Variants in TENM1 observed in about 807,000 individuals in gnomAD.
The protein encoded by TENM1 is teneurin-1.
A neutral mutation model predicts 174.8 loss-of-function variants in TENM1; 35 were observed. That is an observed-to-expected ratio of 0.20 (90% CI 0.15 to 0.27). The LOEUF is 0.27. TENM1 is among the 10% of genes least tolerant of loss of function. The probability of loss-of-function intolerance (pLI) is 1.00; values close to 1 mark genes in which losing one functional copy is unlikely to be tolerated. For missense variants in TENM1, 1,633 were observed against 2,130.1 expected, an observed-to-expected ratio of 0.77 and a Z score of 4.59; for synonymous variants, 781 against 798.7, an observed-to-expected ratio of 0.98 and a Z score of 0.37.
chrX:124,729,136 G>A (rs749996780), intron 4 of TENM1, among the ~76,000 whole-genome samples: 20 of 112,037 alleles, frequency 1.8e-4, no homozygotes, highest in Non-Finnish European at 3.6e-4. Flanking sequence ...TGCAGGACAC[G>A]CACAATAATC....
chrX:124,963,425 C>T (rs886670088), intron 1 of TENM1, 112 bp downstream of exon 4: 9 of 644,021 alleles, frequency 1.4e-5, no homozygotes, highest in South Asian at 5.5e-5. Context: ...ATAAGCAGTG[C>T]GAATTATTAA....
intron 20 of TENM1, among the ~76,000 whole-genome samples, chrX:124,496,369 T>C (rs2047201792): frequency 8.9e-6 from 1 of 112,023 alleles, no homozygotes; most frequent in Non-Finnish European, 1.9e-5. Flanking sequence ...AATTTAGTCA[T>C]AATCTTTGTG....
chrX:125,048,237 C>T, the TENM1 span, among the ~76,000 whole-genome samples: 1 of 97,699 alleles, frequency 1.0e-5, no homozygotes, highest in Non-Finnish European at 2.0e-5. Context: ...GATGCTGTTT[C>T]GAAGCATTTT....
At chrX:124,481,960 T>C in exon 22 of TENM1, 1 of 1,160,336 alleles carries the variant, frequency 8.6e-7, no homozygotes, top group Non-Finnish European at 1.2e-6. Context: ...TGAGCAGGAC[T>C]TGTGCTAAGG....
the TENM1 span, among the ~76,000 whole-genome samples, chrX:125,060,181 T>TCACA: frequency 6.2e-4 from 58 of 93,829 alleles, 1 homozygote; most frequent in Admixed American, 3.8e-3. Context: ...TCTCTCTCTC[T>TCACA]CACACACACA....
chrX:124,619,823 T>G (rs1010125753), intron 11 of TENM1, among the ~76,000 whole-genome samples: 1 of 111,988 alleles, frequency 8.9e-6, no homozygotes, highest in East Asian at 2.8e-4. Context: ...TTGAACAGAT[T>G]TCAGAATGGC....
chrX:124,914,787 T>C (rs954401707), intron 1 of TENM1, among the ~76,000 whole-genome samples: 3 of 111,916 alleles, frequency 2.7e-5, no homozygotes, highest in African/African-American at 6.5e-5. Flanking sequence ...CCAATCTTGT[T>C]ACCCTCTAAT....
intron 19 of TENM1, among the ~76,000 whole-genome samples, chrX:124,499,124 C>G (rs995433581): frequency 2.7e-5 from 3 of 111,488 alleles, no homozygotes; most frequent in African/African-American, 9.8e-5. Context: ...TGAATGAATG[C>G]AGTTATACAG....
chrX:124,465,767 G>A (rs757736058), intron 22 of TENM1, among the ~76,000 whole-genome samples: 1 of 109,249 alleles, frequency 9.2e-6, no homozygotes, highest in African/African-American at 3.3e-5. Context: ...GAATCCCCGT[G>A]GTATTTAAAG....
the TENM1 span, among the ~76,000 whole-genome samples, chrX:125,041,784 G>A: frequency 1.8e-5 from 2 of 111,418 alleles, no homozygotes; most frequent in South Asian, 3.7e-4. Flanking sequence ...CAGGACAGAG[G>A]GAGAGACACA....
chrX:124,413,916 C>A (rs1044200782), intron 25 of TENM1, among the ~76,000 whole-genome samples: 3 of 111,955 alleles, frequency 2.7e-5, no homozygotes, highest in Non-Finnish European at 3.8e-5. Context: ...TATCCCCAGG[C>A]AAATATCTCA....
chrX:125,036,955 G>A, the TENM1 span, among the ~76,000 whole-genome samples: 1 of 111,618 alleles, frequency 9.0e-6, no homozygotes, highest in Non-Finnish European at 1.9e-5. Context: ...CTAGTCCAAT[G>A]AGCAACACAT....
intron 12 of TENM1, among the ~76,000 whole-genome samples, 167 bp downstream of exon 15, chrX:124,565,208 A>G (rs2048914413): frequency 8.9e-6 from 1 of 112,109 alleles, no homozygotes; most frequent in Admixed American, 9.5e-5. Flanking sequence ...GTCATCGACA[A>G]AAGAAGAAAC....
chrX:124,961,440 G>A (rs1003186370), intron 1 of TENM1, among the ~76,000 whole-genome samples: 4 of 110,802 alleles, frequency 3.6e-5, no homozygotes, highest in African/African-American at 1.3e-4. Context: ...CCAGGAGTTC[G>A]AGACCAGCCT....
intron 3 of TENM1, among the ~76,000 whole-genome samples, chrX:124,748,175 A>G (rs746833642): frequency 1.6e-4 from 18 of 111,410 alleles, no homozygotes; most frequent in Non-Finnish European, 3.0e-4. Context: ...CTTACTGACC[A>G]GCTACCTGAT....
At chrX:125,140,690 G>A in the TENM1 span, among the ~76,000 whole-genome samples, 2 of 112,134 alleles carry the variant, frequency 1.8e-5, no homozygotes, top group East Asian at 5.6e-4. Flanking sequence ...TTGTATGCAT[G>A]TAACAATATA....
At chrX:124,402,400 C>T (rs1462774498) in intron 27 of TENM1, among the ~76,000 whole-genome samples, 1 of 111,870 alleles carries the variant, frequency 8.9e-6, no homozygotes, top group African/African-American at 3.2e-5. Context: ...CCCTTATAGT[C>T]CAGTCCGCAA....
At chrX:125,163,133 A>G in the TENM1 span, among the ~76,000 whole-genome samples, 3 of 111,685 alleles carry the variant, frequency 2.7e-5, no homozygotes, top group African/African-American at 9.7e-5. Context: ...TGGATGCTAT[A>G]TAATGGATAT....
At position 124,471,280 on chromosome X, in the gene TENM1, A is replaced by T. The variant is rs758516623; in HGVS notation, c.3949+10452T>A. On this transcript the variant is annotated intron_variant, in intron 22 of 31. Coordinates refer to ENST00000422452, the Ensembl canonical transcript of TENM1. Reference sequence around the variant, plus strand: ...TATTATAATATATAGTACTATATATAATATATAGTACTATATATTATAATA... The same window carrying T: ...TATTATAATATATAGTACTATATATTATATATAGTACTATATATTATAATA... Among the ~76,000 whole-genome samples the T allele has an allele frequency of 3.1e-3, 135 of 43,553 alleles. 7 individuals carry two copies. Among genetic ancestry groups the T allele is most frequent in the African/African-American group, 9.3e-3 (85 of 9,158 alleles). 37.8% of individuals were successfully genotyped at this position (43,553 alleles called of 115,157 possible).
Sources: gnomAD v4.1 joint callset for allele counts (sites outside exome capture counted in the v4.1 genomes callset) on GRCh38, gnomAD v4.1.1 for gene constraint, MANE v1.5 for transcripts, NCBI Gene and HGNC (gene_info 2026-07-23, HGNC 2026-07-21) for gene names.